TJP2: variants seen among roughly 807,000 people sequenced by gnomAD.
The protein encoded by TJP2 is tight junction protein 2, also known as Friedreich ataxia region gene X104 (tight junction protein ZO-2).
A neutral mutation model predicts 133.1 loss-of-function variants in TJP2; 91 were observed. The observed-to-expected ratio is 0.68, with a 90% confidence interval of 0.58 to 0.81. The LOEUF (loss-of-function observed/expected upper bound fraction) is 0.81. TJP2 is among the 40% of genes least tolerant of loss of function. The probability of loss-of-function intolerance (pLI) is 0.00; values close to 1 mark genes in which losing one functional copy is unlikely to be tolerated. For missense variants in TJP2, 1,541 were observed against 1,565.6 expected (o/e 0.98, Z 0.26); for synonymous variants, 592 against 583.4 (o/e 1.01, Z -0.21).
At chr9:69,251,008 G>A in intron 20 of TJP2, 27 bp from the exon 21 acceptor site, 1 of 1,602,126 alleles carries the variant, frequency 6.2e-7, no homozygotes, top group African/African-American at 1.3e-5. Context: ...AAAGCCCAGG[G>A]TGAAAACGTG....
intron 1 of TJP2, among the ~76,000 whole-genome samples, chr9:69,141,874 C>T (rs1823034061): frequency 6.6e-6 from 1 of 152,224 alleles, no homozygotes; most frequent in East Asian, 1.9e-4. Flanking sequence ...CAGGCGTGAG[C>T]CACAGCACCT....
chr9:69,161,205 T>C (rs1269992117), intron 2 of TJP2, among the ~76,000 whole-genome samples: 1 of 148,384 alleles, frequency 6.7e-6, no homozygotes, highest in East Asian at 2.0e-4. Flanking sequence ...TAGCTGTAGG[T>C]CATCAGTGAT....
At chr9:69,253,964 A>C (rs958817169) in intron 22 of TJP2, 3 of 546,792 alleles carry the variant, frequency 5.5e-6, no homozygotes, top group Non-Finnish European at 1.0e-5. Context: ...CCTGTCCAAC[A>C]GGGAGATTCT....
chr9:69,234,377 T>G, intron 11 of TJP2, 62 bp from the exon 12 acceptor site: 1 of 1,259,076 alleles, frequency 7.9e-7, no homozygotes, highest in Non-Finnish European at 1.1e-6. Flanking sequence ...GTTTTTTCTT[T>G]CTTTCTTTCT....
At chr9:69,123,215 GCCGCA>G (rs1822229956) in intron 1 of TJP2, among the ~76,000 whole-genome samples, 2 of 80,200 alleles carry the variant, frequency 2.5e-5, no homozygotes, top group African/African-American at 3.8e-5. Context: ...ACACTCTACA[GCCGCA>G]TGGGTTAGAG....
rs1563919994 is a variant in TJP2 at position 69,216,453 on chromosome 9, G to A, written c.229G>A (p.Gly77Arg). 1.2e-6 allele frequency: 2 copies of A among 1,614,136 alleles called. No homozygotes were observed. Among genetic ancestry groups the A allele is most frequent in the Non-Finnish European group, 1.7e-6 (2 of 1,180,028 alleles). ...SDVLPGGPAD[G>R]LLQENDRVVM... ...TGTGCTCCCGGGTGGGCCTGCTGAT[G>A]GGCTGCTCCAGTGAGTGTCCTCCCT... Residue 77 changes from glycine (G) to arginine (R), a missense_variant, in exon 3 of 23, where the codon GGG (glycine) becomes AGG (arginine). Gly to Arg is a moderately radical substitution (Grantham distance 125). Coordinates refer to ENST00000377245, the MANE Select transcript of TJP2 (RefSeq NM_004817.4).
intron 1 of TJP2, among the ~76,000 whole-genome samples, chr9:69,200,887 G>A (rs1206276901): frequency 6.6e-6 from 1 of 152,104 alleles, no homozygotes; most frequent in African/African-American, 2.4e-5. Flanking sequence ...GCCATCCCAT[G>A]GCACTTATTA....
chr9:69,246,633 C>G, intron 17 of TJP2, 57 bp from the exon 18 acceptor site: 1 of 1,415,418 alleles, frequency 7.1e-7, no homozygotes, highest in South Asian at 1.2e-5. Context: ...CAAATAGCAT[C>G]CTTAATAAAC....
chr9:69,213,900 C>T (rs1828141580), intron 2 of TJP2, among the ~76,000 whole-genome samples: 1 of 152,194 alleles, frequency 6.6e-6, no homozygotes, highest in Admixed American at 6.5e-5. Context: ...TAATAGACAA[C>T]ACCCCCAACC....
At chr9:69,222,197 CAG>C (rs1473007212) in intron 5 of TJP2, among the ~76,000 whole-genome samples, 1 of 138,808 alleles carries the variant, frequency 7.2e-6, no homozygotes, top group East Asian at 2.0e-4. Flanking sequence ...TTTTTTGAGA[CAG>C]AGTCTCACTG....
At chr9:69,212,442 A>C in intron 1 of TJP2, 106 bp from the exon 2 acceptor site, 1 of 844,086 alleles carries the variant, frequency 1.2e-6, no homozygotes. Flanking sequence ...TTTGGTATAG[A>C]AAGTGTGAGC....
chr9:69,222,661 C>T (rs764457274), intron 5 of TJP2, among the ~76,000 whole-genome samples: 28 of 152,162 alleles, frequency 1.8e-4, no homozygotes, highest in Non-Finnish European at 1.8e-4. Context: ...AAGAGCCAGG[C>T]TTCAGAATTT....
intron 20 of TJP2, 23 bp downstream of exon 20, chr9:69,249,508 A>T: frequency 6.3e-7 from 1 of 1,583,272 alleles, no homozygotes. Context: ...GAAGCCCAGG[A>T]TGGGAAGGAA....
chr9:69,224,584 G>A (rs1829182407), intron 5 of TJP2, among the ~76,000 whole-genome samples: 1 of 152,150 alleles, frequency 6.6e-6, no homozygotes, highest in South Asian at 2.1e-4. Context: ...GGCTGAGGCA[G>A]GAGAATCACT....
Position 69,221,515 on chromosome 9 carries a change from G to A in TJP2, c.952+19G>A, listed in dbSNP as rs1828856101. On this transcript the variant is annotated intron_variant, in intron 5 of 22. Transcript: ENST00000377245. ...AACGAAGGTAGGCATGCTTGATGTG[G>A]GAAGAAAAGCACTGTTGTGATATGA... is the stretch of plus-strand genomic sequence containing the variant. 1.3e-6 allele frequency: 2 copies of A among 1,597,714 alleles called. No homozygotes were observed. Among genetic ancestry groups the A allele is most frequent in the East Asian group, 4.5e-5 (2 of 44,400 alleles).
chr9:69,212,132 A>G (rs570629097), intron 1 of TJP2, among the ~76,000 whole-genome samples: 2 of 152,326 alleles, frequency 1.3e-5, no homozygotes, highest in East Asian at 3.9e-4. Context: ...AAGGCTAAGG[A>G]TATTTTTAGA....
chr9:69,146,292 A>G (rs1321625093), intron 1 of TJP2, among the ~76,000 whole-genome samples: 1 of 152,204 alleles, frequency 6.6e-6, no homozygotes, highest in Admixed American at 6.5e-5. Flanking sequence ...CTGATTTACC[A>G]TGATGAAGAA....
intron 1 of TJP2, among the ~76,000 whole-genome samples, chr9:69,201,574 A>G (rs1176379465): frequency 6.6e-6 from 1 of 151,944 alleles, no homozygotes; most frequent in African/African-American, 2.4e-5. Context: ...TTTGCTCTTC[A>G]TTTGTTCCTC....
At chr9:69,185,030 G>A (rs572610096) in intron 1 of TJP2, among the ~76,000 whole-genome samples, 10 of 151,244 alleles carry the variant, frequency 6.6e-5, no homozygotes, top group South Asian at 2.1e-4. Context: ...GATTATAGGC[G>A]TGAGTCACCA....
Sources: allele counts gnomAD v4.1 joint callset (sites outside exome capture counted in the v4.1 genomes callset), GRCh38; gene constraint gnomAD v4.1.1; transcripts MANE v1.5; gene names NCBI Gene and HGNC (gene_info 2026-07-23, HGNC 2026-07-21).